Variants in LYRM4 observed in about 807,000 individuals in gnomAD.
LYRM4 encodes LYR motif containing 4, also known as LYR motif-containing protein 4.
In LYRM4, 9 loss-of-function variants were observed where a neutral mutation model predicts 11.7. The ratio of observed to expected loss-of-function variants is 0.77; its 90% confidence interval spans 0.46 to 1.34. The LOEUF (loss-of-function observed/expected upper bound fraction) is 1.34, where lower values mean the gene tolerates loss of function less well. Ranked by LOEUF, LYRM4 falls within the 40% of genes most tolerant of loss-of-function variation. The probability of loss-of-function intolerance (pLI) is 0.00; values close to 1 mark genes in which losing one functional copy is unlikely to be tolerated. For missense variants in LYRM4, 133 were observed against 112.5 expected (o/e 1.18, Z -0.82); for synonymous variants, 42 against 40.4 (o/e 1.04, Z -0.15).
intron 2 of LYRM4, chr6:5,186,991 A>T: frequency 1.1e-6 from 1 of 913,420 alleles, no homozygotes; most frequent in Non-Finnish European, 1.3e-6. Flanking sequence ...CTTAAAAAAA[A>T]AAAAAAATTG....
chr6:5,042,049 T>G, the LYRM4 span, among the ~76,000 whole-genome samples: 2 of 152,220 alleles, frequency 1.3e-5, no homozygotes, highest in Admixed American at 6.5e-5. Context: ...AGTACTGATC[T>G]AAGATGCAAT....
chr6:5,246,947 C>T (rs1224526825), intron 1 of LYRM4, among the ~76,000 whole-genome samples: 1 of 152,064 alleles, frequency 6.6e-6, no homozygotes, highest in African/African-American at 2.4e-5. Context: ...GAAGGACCAC[C>T]CACAGAGATC....
At chr6:5,185,927 G>C (rs574695188) in intron 2 of LYRM4, among the ~76,000 whole-genome samples, 1 of 152,178 alleles carries the variant, frequency 6.6e-6, no homozygotes, top group Non-Finnish European at 1.5e-5. Flanking sequence ...AGCAGAAGGG[G>C]AGGCAGGAGT....
intron 1 of LYRM4, among the ~76,000 whole-genome samples, chr6:5,252,826 G>A (rs945862943): frequency 6.6e-6 from 1 of 150,986 alleles, no homozygotes; most frequent in African/African-American, 2.4e-5. Context: ...GCATAAGCAT[G>A]AGAGGAACAC....
At chr6:5,165,020 T>C (rs1758994483) in intron 2 of LYRM4, among the ~76,000 whole-genome samples, 2 of 151,552 alleles carry the variant, frequency 1.3e-5, no homozygotes, top group African/African-American at 4.8e-5. Flanking sequence ...AAAAAGTTAT[T>C]ATGTTCTACA....
chr6:5,115,661 T>TG, intron 2 of LYRM4, among the ~76,000 whole-genome samples: 1 of 152,014 alleles, frequency 6.6e-6, no homozygotes, highest in Admixed American at 6.5e-5. Context: ...AATAAAGAAC[T>TG]GGGGGGCAAT....
chr6:5,158,968 C>CG (rs1233787998), intron 2 of LYRM4, among the ~76,000 whole-genome samples: 2 of 152,110 alleles, frequency 1.3e-5, no homozygotes, highest in Non-Finnish European at 2.9e-5. Context: ...CCTTGGCCTC[C>CG]TCATCATGCA....
intron 2 of LYRM4, among the ~76,000 whole-genome samples, chr6:5,134,423 C>G (rs1239976374): frequency 1.3e-5 from 2 of 152,120 alleles, no homozygotes; most frequent in African/African-American, 2.4e-5. Context: ...AGATTACAGA[C>G]AGATCACCCA....
chr6:5,185,750 G>A (rs557932373), intron 2 of LYRM4, among the ~76,000 whole-genome samples: 63 of 152,328 alleles, frequency 4.1e-4, no homozygotes, highest in Non-Finnish European at 6.6e-4. Context: ...TAAGTGAGAT[G>A]TCAGGACAGG....
rs545978546 is a variant in LYRM4 at position 5,161,546 on chromosome 6, T to G, written c.208-52055A>C. On this transcript the variant is annotated intron_variant, in intron 2 of 2. Transcript: ENST00000330636. ...AATATACCTATTATTTTTTTGTTAC[T>G]GAAGAGGAGAGTAAGATTTTAACTG... Among the ~76,000 whole-genome samples, 8 of 152,338 alleles carry G rather than the reference T, an allele frequency of 5.3e-5. No homozygotes were observed. In the South Asian group the frequency reaches 1.7e-3, roughly 32 times the overall value.
Position 5,108,556 on chromosome 6 carries a change from T to A in LYRM4, c.*867A>T. On this transcript the variant is annotated 3_prime_UTR_variant, in exon 3 of 3. Transcript: ENST00000330636. ...TGTGCCTCACCCCTCACTTACTGAG[T>A]CAGAATCTGCAGAGAGGGAAGTGCT... 1 of 399,128 alleles carries A rather than the reference T, an allele frequency of 2.5e-6. No individual in the cohort carries two copies. The highest frequency in any genetic ancestry group is 3.4e-6 in the Non-Finnish European group (1 of 293,940). The allele number at this position is 399,128 out of a possible 1,614,324, so 24.7% of individuals were successfully genotyped here. A position where few individuals can be genotyped will look rare whatever the true frequency, so the allele number is the denominator to read the frequency against.
intron 1 of LYRM4, among the ~76,000 whole-genome samples, chr6:5,248,905 A>C (rs1764312908): frequency 6.6e-6 from 1 of 152,234 alleles, no homozygotes; most frequent in Admixed American, 6.5e-5. Flanking sequence ...GTACCCAATA[A>C]ATGTTTGCTG....
downstream of LYRM4, among the ~76,000 whole-genome samples, chr6:5,099,428 T>TCTATCTAC (rs1554124398): frequency 8.4e-4 from 127 of 151,574 alleles, no homozygotes; most frequent in African/African-American, 2.9e-3. This position sits in a 1 kb window ranked among gnomAD's most constrained non-coding sequence, Gnocchi z 4.3. Flanking sequence ...TATCTATCTA[T>TCTATCTAC]ATTTTATAGC....
At chr6:5,213,415 G>GT (rs1581518586) in intron 2 of LYRM4, among the ~76,000 whole-genome samples, 2 of 152,368 alleles carry the variant, frequency 1.3e-5, no homozygotes, top group East Asian at 3.9e-4. Flanking sequence ...GGGTGAGCAG[G>GT]TAAGTGTTGT....
intron 2 of LYRM4, among the ~76,000 whole-genome samples, chr6:5,165,693 C>T (rs1173394840): frequency 1.3e-5 from 2 of 152,014 alleles, no homozygotes; most frequent in Non-Finnish European, 2.9e-5. Context: ...GAGGTGCATA[C>T]CACCACACCC....
intron 1 of LYRM4, among the ~76,000 whole-genome samples, chr6:5,252,815 G>A (rs1764495950): frequency 6.7e-6 from 1 of 149,826 alleles, no homozygotes; most frequent in African/African-American, 2.5e-5. Context: ...GCAACCATCA[G>A]GCATAAGCAT....
chr6:5,222,963 G>T (rs550171584), intron 1 of LYRM4, among the ~76,000 whole-genome samples: 2 of 152,214 alleles, frequency 1.3e-5, no homozygotes, highest in Non-Finnish European at 2.9e-5. Flanking sequence ...TAATAAGTGT[G>T]AACAAACTGA....
the LYRM4 span, among the ~76,000 whole-genome samples, chr6:5,092,580 T>C: frequency 6.7e-6 from 1 of 149,854 alleles, no homozygotes; most frequent in Non-Finnish European, 1.5e-5. Flanking sequence ...TAGCTAGGCG[T>C]GGTGGTGCAC....
At chr6:5,237,494 C>G (rs922455597) in intron 1 of LYRM4, among the ~76,000 whole-genome samples, 4 of 151,924 alleles carry the variant, frequency 2.6e-5, no homozygotes, top group African/African-American at 9.7e-5. Flanking sequence ...ATGTAATAAA[C>G]AGAAATAAGT....
Sources: allele counts gnomAD v4.1 joint callset (sites outside exome capture counted in the v4.1 genomes callset), GRCh38; gene constraint gnomAD v4.1.1; non-coding constraint Gnocchi (gnomAD v3.1); transcripts MANE v1.5; gene names NCBI Gene and HGNC (gene_info 2026-07-23, HGNC 2026-07-21).